SUCLG2: variants seen among roughly 807,000 people sequenced by gnomAD.
SUCLG2 encodes the protein succinate-CoA ligase GDP-forming subunit beta, also known as succinate--CoA ligase [GDP-forming] subunit beta, mitochondrial.
SUCLG2 carries 42 observed loss-of-function variants against 47.9 expected under a neutral mutation model. That is an observed-to-expected ratio of 0.88 (90% CI 0.69 to 1.14). The LOEUF (loss-of-function observed/expected upper bound fraction) is 1.14, where lower values mean the gene tolerates loss of function less well. Ranked by LOEUF, SUCLG2 falls within the 50% of genes most tolerant of loss-of-function variation. The pLI is 0.00. For missense variants in SUCLG2, 571 were observed against 525.9 expected, an observed-to-expected ratio of 1.09 and a Z score of -0.84; for synonymous variants, 195 against 197.3, an observed-to-expected ratio of 0.99 and a Z score of 0.10.
intron 9 of SUCLG2, among the ~76,000 whole-genome samples, chr3:67,484,459 T>G (rs2107025656): frequency 6.6e-6 from 1 of 152,336 alleles, no homozygotes. Context: ...AAGATATTTT[T>G]GGGGCATCTA....
exon 11 of SUCLG2, chr3:67,360,695 A>G (rs1366724657): frequency 2.0e-6 from 3 of 1,530,550 alleles, no homozygotes; most frequent in Non-Finnish European, 2.6e-6. Context: ...CTTGGATACC[A>G]GTTATATTCT....
At chr3:67,400,072 A>T (rs531164256) in intron 10 of SUCLG2, among the ~76,000 whole-genome samples, 39 of 152,254 alleles carry the variant, frequency 2.6e-4, no homozygotes, top group African/African-American at 9.1e-4. Flanking sequence ...TGAAAAACAC[A>T]TATGTCTGTG....
At chr3:67,585,373 G>A (rs146311216) in intron 2 of SUCLG2, among the ~76,000 whole-genome samples, 3 of 152,186 alleles carry the variant, frequency 2.0e-5, no homozygotes, top group Admixed American at 1.3e-4. Context: ...ACCATGGAAA[G>A]AACATGAAGC....
chr3:67,584,088 A>C (rs1707949511), intron 2 of SUCLG2, among the ~76,000 whole-genome samples: 1 of 152,228 alleles, frequency 6.6e-6, no homozygotes, highest in African/African-American at 2.4e-5. Context: ...TTCCACATAA[A>C]GACTTGGACA....
At chr3:67,498,954 C>T (rs1391732442) in intron 7 of SUCLG2, among the ~76,000 whole-genome samples, 1 of 152,066 alleles carries the variant, frequency 6.6e-6, no homozygotes, top group Admixed American at 6.5e-5. Flanking sequence ...GATGTAAAGC[C>T]CCAGAGGGTC....
At chr3:67,631,782 A>G (rs1700930495) in intron 1 of SUCLG2, among the ~76,000 whole-genome samples, 1 of 152,194 alleles carries the variant, frequency 6.6e-6, no homozygotes, top group African/African-American at 2.4e-5. Flanking sequence ...GATGGTCTCA[A>G]AGGCACAAAC....
rs1271303541 is a variant in SUCLG2, at chr3:67,570,648, TA to T, written c.226+38806del. The stretch of plus-strand genomic sequence containing the variant: ...CATGCCTATATAGTGAAGCTCTCAA[TA>T]AAAACTCTGGACACTGAGGCTCGGG... On this transcript the variant is annotated intron_variant, in intron 2 of 10. Transcript: ENST00000307227. Among the ~76,000 whole-genome samples, 5 of 152,260 alleles carry T rather than the reference TA, an allele frequency of 3.3e-5. No homozygotes were observed. The East Asian group carries it at 9.6e-4, about 29-fold the overall frequency.
intron 9 of SUCLG2, among the ~76,000 whole-genome samples, chr3:67,415,419 T>C (rs1703018635): frequency 6.6e-6 from 1 of 152,120 alleles, no homozygotes; most frequent in Admixed American, 6.5e-5. Flanking sequence ...GCCTAAGTAT[T>C]TTATCTATCT....
chr3:67,399,162 A>T (rs1024715664), intron 10 of SUCLG2, among the ~76,000 whole-genome samples: 28 of 149,688 alleles, frequency 1.9e-4, no homozygotes, highest in Non-Finnish European at 3.5e-4. Context: ...CCTAAAACTT[A>T]AAGTATAATA....
chr3:67,604,913 T>C (rs1009078389), intron 2 of SUCLG2, among the ~76,000 whole-genome samples: 3 of 152,176 alleles, frequency 2.0e-5, no homozygotes, highest in African/African-American at 7.2e-5. Context: ...TAAGCAAATA[T>C]CTTTCAATTA....
intron 1 of SUCLG2, among the ~76,000 whole-genome samples, chr3:67,615,360 A>C (rs541658277): frequency 7.6e-4 from 116 of 151,986 alleles, no homozygotes; most frequent in Non-Finnish European, 1.3e-3. Context: ...TGGGGGAATC[A>C]ACAGAGAATA....
chr3:67,466,181 C>T (rs1040728590), intron 9 of SUCLG2, among the ~76,000 whole-genome samples: 2 of 151,972 alleles, frequency 1.3e-5, no homozygotes, highest in African/African-American at 4.8e-5. Flanking sequence ...GGTGAAACTC[C>T]GTCTCTATCG....
chr3:67,635,858 C>T (rs1290759266), intron 1 of SUCLG2, among the ~76,000 whole-genome samples: 11 of 152,170 alleles, frequency 7.2e-5, no homozygotes, highest in Non-Finnish European at 1.5e-4. Context: ...CTTCCAGTTT[C>T]GACTCCCCTC....
intron 9 of SUCLG2, among the ~76,000 whole-genome samples, chr3:67,458,774 C>T (rs1003167106): frequency 6.6e-6 from 1 of 152,192 alleles, no homozygotes; most frequent in Non-Finnish European, 1.5e-5. Context: ...TATTAAAACA[C>T]TCCAAGTATG....
intron 1 of SUCLG2, among the ~76,000 whole-genome samples, chr3:67,620,584 C>CA (rs71109890): frequency 0.098 from 6,189 of 63,122 alleles, 487 homozygotes; most frequent in African/African-American, 0.19. Flanking sequence ...GACTCCATCT[C>CA]AAAAAAAAAA....
At chr3:67,488,328 C>A (rs1041905249) in intron 9 of SUCLG2, among the ~76,000 whole-genome samples, 1 of 152,066 alleles carries the variant, frequency 6.6e-6, no homozygotes, top group African/African-American at 2.4e-5. Context: ...AGGAATGAGA[C>A]CATCTTTCCT....
intron 9 of SUCLG2, among the ~76,000 whole-genome samples, chr3:67,428,995 A>G (rs1703386328): frequency 6.6e-6 from 1 of 152,190 alleles, no homozygotes; most frequent in South Asian, 2.1e-4. Flanking sequence ...TGAAAGTGAC[A>G]GGGAGAATGG....
chr3:67,535,274 C>A (rs573222725), intron 2 of SUCLG2, among the ~76,000 whole-genome samples: 2 of 151,970 alleles, frequency 1.3e-5, no homozygotes, highest in African/African-American at 4.8e-5. Flanking sequence ...TTATAGGAAT[C>A]GAAGCTTGCA....
intron 9 of SUCLG2, among the ~76,000 whole-genome samples, chr3:67,442,580 A>T (rs1413952513): frequency 6.6e-6 from 1 of 152,166 alleles, no homozygotes; most frequent in African/African-American, 2.4e-5. Context: ...GTTCCTACTG[A>T]TGGCTGAAAG....
Sources: gnomAD v4.1 joint callset for allele counts (sites outside exome capture counted in the v4.1 genomes callset) on GRCh38, gnomAD v4.1.1 for gene constraint, MANE v1.5 for transcripts, NCBI Gene and HGNC (gene_info 2026-07-23, HGNC 2026-07-21) for gene names.